The following ATP2C2 variants were observed in gnomAD, a reference collection of about 807,000 sequenced individuals.
ATP2C2 encodes the protein calcium-transporting ATPase type 2C member 2.
ATP2C2 carries 171 observed loss-of-function variants against 110.8 expected under a neutral mutation model. That is an observed-to-expected ratio of 1.54 (90% CI 1.36 to 1.75). The LOEUF is 1.75. Ranked by LOEUF, ATP2C2 falls within the 40% of genes most tolerant of loss-of-function variation. ATP2C2 has a pLI of 0.00. For missense variants in ATP2C2, 1,963 were observed against 1,235.0 expected, an observed-to-expected ratio of 1.59 and a Z score of -8.84; for synonymous variants, 804 against 508.4, an observed-to-expected ratio of 1.58 and a Z score of -7.82.
Position 84,460,648 on chromosome 16 carries a change from G to C in ATP2C2, c.2334-6G>C, listed in dbSNP as rs1024195685. 1.2e-6 allele frequency: 2 copies of C among 1,614,050 alleles called. No homozygotes were observed. The highest frequency in any genetic ancestry group is 4.5e-5 in the East Asian group (2 of 44,894). On this transcript the variant is annotated splice_polypyrimidine_tract_variant and splice_region_variant and intron_variant, in intron 23 of 26. Transcript: ENST00000262429. ...TTTCAAAGTGTCTGTGTCTTGTTCG[G>C]AGCAGCTTGGGGGTAGAGCCCGTTG...
chr16:84,416,411 C>T (rs1334926928), intron 7 of ATP2C2, among the ~76,000 whole-genome samples: 1 of 152,200 alleles, frequency 6.6e-6, no homozygotes, highest in Non-Finnish European at 1.5e-5. Flanking sequence ...CACAGATTAT[C>T]TGCCTGATTT....
intron 13 of ATP2C2, among the ~76,000 whole-genome samples, 170 bp from the exon 14 acceptor site, chr16:84,440,687 G>A (rs1909166651): frequency 6.6e-6 from 1 of 152,184 alleles, no homozygotes; most frequent in South Asian, 2.1e-4. Flanking sequence ...GTCCATCCAT[G>A]ACGTATCCAA....
chr16:84,452,182 C>T (rs796347584), intron 18 of ATP2C2, 91 bp downstream of exon 18: 22 of 1,503,016 alleles, frequency 1.5e-5, no homozygotes, highest in Admixed American at 3.9e-5. Context: ...TCCGCAAACT[C>T]GGTCAGGAGT....
intron 18 of ATP2C2, 49 bp from the exon 19 acceptor site, chr16:84,453,089 G>C: frequency 6.5e-7 from 1 of 1,547,430 alleles, no homozygotes; most frequent in South Asian, 1.2e-5. Flanking sequence ...GGAGTGAGGG[G>C]TGGGGACGCG....
chr16:84,436,445 G>A (rs1908743156), intron 11 of ATP2C2, among the ~76,000 whole-genome samples: 2 of 152,120 alleles, frequency 1.3e-5, no homozygotes, highest in Non-Finnish European at 2.9e-5. Context: ...GGCGTGTCTC[G>A]AGGGGCTTCT....
chr16:84,422,444 A>G lies in ATP2C2; in HGVS notation c.679A>G (p.Ser227Gly), dbSNP rs1391734042. 1.9e-6 allele frequency: 3 copies of G among 1,614,048 alleles called. No individual in the cohort carries two copies. The highest frequency in any genetic ancestry group is 1.7e-5 in the Admixed American group (1 of 60,008). Reference protein sequence around the residue: ...SSFTGEAEPCSKTDSPLTGGG... With the variant: ...SSFTGEAEPCGKTDSPLTGGG... Reference sequence around the variant, plus strand: ...TTTCACCGGGGAAGCCGAGCCATGTAGTAAAACAGACAGCCCCTTGACAGG... The same window carrying G: ...TTTCACCGGGGAAGCCGAGCCATGTGGTAAAACAGACAGCCCCTTGACAGG... Residue 227 changes from serine to glycine, a missense_variant, in exon 8 of 27, where the codon AGT (serine) becomes GGT (glycine). Physicochemically the swap from Ser to Gly is moderately conservative, Grantham distance 56. Transcript: ENST00000262429.
chr16:84,425,813 A>G lies in ATP2C2; in HGVS notation c.986+12A>G, dbSNP rs371182760. The G allele has an allele frequency of 3.3e-5, 53 of 1,613,930 alleles. No individual in the cohort carries two copies. The highest frequency in any genetic ancestry group is 1.6e-4 in the Middle Eastern group (1 of 6,062). On this transcript the variant is annotated intron_variant, in intron 11 of 26. Transcript: ENST00000262429. ...ACGATCGGGGTCAGGTAAGAGTGCTATGGCCGCCCCTTGCCTTGCCAGGGT... is the reference window on the plus strand; with the variant it reads ...ACGATCGGGGTCAGGTAAGAGTGCTGTGGCCGCCCCTTGCCTTGCCAGGGT...
At chr16:84,455,729 A>C (rs939067331) in intron 21 of ATP2C2, among the ~76,000 whole-genome samples, 2 of 145,884 alleles carry the variant, frequency 1.4e-5, no homozygotes, top group Non-Finnish European at 3.0e-5. Context: ...TTGATTCGCC[A>C]TAGGAAGCCT....
intron 1 of ATP2C2, among the ~76,000 whole-genome samples, chr16:84,375,902 G>T (rs182715160): frequency 2.6e-5 from 4 of 152,218 alleles, no homozygotes; most frequent in East Asian, 3.9e-4. Flanking sequence ...AACAAAAGAA[G>T]GGGAGAGAAA....
chr16:84,439,643 T>G, intron 13 of ATP2C2, 119 bp downstream of exon 13: 1 of 959,522 alleles, frequency 1.0e-6, no homozygotes. Flanking sequence ...TGGGGTCATC[T>G]TATAATCTCC....
intron 15 of ATP2C2, among the ~76,000 whole-genome samples, chr16:84,445,881 TCACATCA>T (rs1909702072): frequency 6.6e-6 from 1 of 152,208 alleles, no homozygotes; most frequent in Non-Finnish European, 1.5e-5. Flanking sequence ...TTCTGAGTTG[TCACATCA>T]CTGATCCAAA....
chr16:84,446,437 C>G lies in ATP2C2; in HGVS notation c.1503+7C>G. 2 of 1,571,046 alleles carry G rather than the reference C, an allele frequency of 1.3e-6. No homozygotes were observed. The highest frequency in any genetic ancestry group is 1.4e-5 in the African/African-American group (1 of 72,662). ...ATGCAGTCTGAAGACTGAGGTGAGA[C>G]CTTTCAATCTTCAACCTCTTCTCTC... On this transcript the variant is annotated splice_region_variant and intron_variant, in intron 16 of 26. Transcript: ENST00000262429.
intron 1 of ATP2C2, among the ~76,000 whole-genome samples, chr16:84,396,646 G>A (rs886249365): frequency 1.8e-4 from 28 of 151,718 alleles, no homozygotes; most frequent in African/African-American, 6.8e-4. Context: ...GGGGATGGGG[G>A]GAGTGCCCAG....
chr16:84,458,976 A>C (rs931246609), intron 21 of ATP2C2, 144 bp from the exon 22 acceptor site: 13 of 852,244 alleles, frequency 1.5e-5, no homozygotes, highest in Non-Finnish European at 2.3e-5. Context: ...ATGTGTCCCC[A>C]AGAATGCCAG....
chr16:84,420,170 C>A (rs1306020280), intron 7 of ATP2C2, among the ~76,000 whole-genome samples: 1 of 152,196 alleles, frequency 6.6e-6, no homozygotes, highest in African/African-American at 2.4e-5. Flanking sequence ...GGCCTCCCTC[C>A]CTGCTCTGTA....
chr16:84,415,650 C>G (rs898718541), intron 7 of ATP2C2, 59 bp downstream of exon 7: 14 of 1,395,790 alleles, frequency 1.0e-5, no homozygotes, highest in Non-Finnish European at 1.4e-5. Context: ...AAGGAGCAGA[C>G]ACTTAGCTAA....
chr16:84,400,434 C>T (rs1189154430), intron 2 of ATP2C2, among the ~76,000 whole-genome samples: 1 of 151,410 alleles, frequency 6.6e-6, no homozygotes, highest in African/African-American at 2.4e-5. Context: ...TCACGCCATT[C>T]TTCTGTCTCA....
intron 1 of ATP2C2, among the ~76,000 whole-genome samples, chr16:84,380,816 A>G (rs1469118309): frequency 6.6e-6 from 1 of 152,222 alleles, no homozygotes; most frequent in Non-Finnish European, 1.5e-5. Context: ...ATACACATCA[A>G]GCATGTAAGG....
At chr16:84,454,338 C>T (rs190848821) in intron 20 of ATP2C2, among the ~76,000 whole-genome samples, 3 of 152,324 alleles carry the variant, frequency 2.0e-5, no homozygotes, top group Admixed American at 6.5e-5. Context: ...GTTTTCTCGC[C>T]TGTGCTCTGA....
Sources: gnomAD v4.1 joint callset for allele counts (sites outside exome capture counted in the v4.1 genomes callset) on GRCh38, gnomAD v4.1.1 for gene constraint, MANE v1.5 for transcripts, NCBI Gene and HGNC (gene_info 2026-07-23, HGNC 2026-07-21) for gene names.